Variants in SLC39A13 observed in about 807,000 individuals in gnomAD.
SLC39A13 encodes zinc transporter ZIP13.
A neutral mutation model predicts 38.7 loss-of-function variants in SLC39A13; 18 were observed. That is an observed-to-expected ratio of 0.47 (90% CI 0.32 to 0.69). SLC39A13 has a LOEUF of 0.69. SLC39A13 is among the 30% of genes least tolerant of loss of function. The pLI is 0.03. For missense variants in SLC39A13, 395 were observed against 490.7 expected (o/e 0.80, Z 1.84); for synonymous variants, 212 against 219.1 (o/e 0.97, Z 0.29).
intron 1 of SLC39A13, 181 bp from the exon 2 acceptor site, chr11:47,409,901 AGTAGG>A: frequency 1.6e-6 from 1 of 645,136 alleles, no homozygotes; most frequent in South Asian, 1.8e-5. Flanking sequence ...AGTGCTCAGG[AGTAGG>A]GTGTGGAGAC....
At chr11:47,408,539 C>T (rs1177750716), upstream of SLC39A13, 2 of 146,924 alleles carry the variant, frequency 1.4e-5, no homozygotes, top group Non-Finnish European at 3.0e-5. Flanking sequence ...TGGCCGCGCG[C>T]CGGGGGCGGC....
Position 47,413,476 on chromosome 11 carries a change from C to G in SLC39A13, c.614C>G (p.Pro205Arg). The change falls in exon 5 of 10, where the codon CCC becomes CGC. Residue 205 changes from proline (P) to arginine (R), a missense_variant. Coordinates refer to ENST00000362021, the MANE Select transcript of SLC39A13 (RefSeq NM_001128225.3). Reference sequence around the variant, plus strand: ...TGTCTGGCCCAGCCGGCTGCAGAGCCCGGCCTCGGTGCCGTGGTCCGGAGC... The same window carrying G: ...TGTCTGGCCCAGCCGGCTGCAGAGCGCGGCCTCGGTGCCGTGGTCCGGAGC... ...GHCLAQPAAE[P>R]GLGAVVRSIK... 1 of 1,614,054 alleles carries G rather than the reference C, an allele frequency of 6.2e-7. No individual in the cohort carries two copies. Among genetic ancestry groups the G allele is most frequent in the Non-Finnish European group, 8.5e-7 (1 of 1,179,990 alleles).
In SLC39A13 at chr11:47,414,492, C is replaced by T; in HGVS notation, c.786+17C>T. The T allele has an allele frequency of 6.2e-7, 1 of 1,611,304 alleles. No homozygotes were observed. Among genetic ancestry groups the T allele is most frequent in the Non-Finnish European group, 8.5e-7 (1 of 1,178,990 alleles). On this transcript the variant is annotated intron_variant, in intron 7 of 9. Coordinates refer to ENST00000362021, the MANE Select transcript of SLC39A13 (RefSeq NM_001128225.3). Reference sequence around the variant, plus strand: ...CCCCATGAGGTGAGCGCTTGTAGGGCAGCCCCCAGGGGCCCAGGCCCCCAC... The same window carrying T: ...CCCCATGAGGTGAGCGCTTGTAGGGTAGCCCCCAGGGGCCCAGGCCCCCAC...
chr11:47,414,042 C>T (rs1332176804), intron 6 of SLC39A13: 1 of 624,122 alleles, frequency 1.6e-6, no homozygotes, highest in East Asian at 2.7e-5. Context: ...ACTGTTCCCC[C>T]TGCCTGGAAT....
Position 47,412,387 on chromosome 11 carries a change from CTGTGGGTCATTGCTGG to C in SLC39A13, c.458_473del (p.Leu153ProfsTer3). The C allele has an allele frequency of 6.2e-7, 1 of 1,614,204 alleles. No individual in the cohort carries two copies. Among genetic ancestry groups the C allele is most frequent in the Non-Finnish European group, 8.5e-7 (1 of 1,180,014 alleles). ...CCTGCAGCAGCAGCAACAGCTGGGG[CTGTGGGTCATTGCTGG>C]CATCCTGACCTTCCTGGCGTTGGAG... On this transcript the variant is annotated frameshift_variant, in exon 4 of 10. Coordinates refer to ENST00000362021, the MANE Select transcript of SLC39A13 (RefSeq NM_001128225.3). LOFTEE classifies it high-confidence loss of function.
chr11:47,410,731 AGAGCTCTAGG>A (rs1202902321), intron 2 of SLC39A13, among the ~76,000 whole-genome samples: 3 of 152,190 alleles, frequency 2.0e-5, no homozygotes, highest in African/African-American at 7.2e-5. Context: ...AACACGCAGG[AGAGCTCTAGG>A]GAGCTGCTAA....
At chr11:47,408,127 T>TG (rs1043928153), upstream of SLC39A13, among the ~76,000 whole-genome samples, 13 of 152,332 alleles carry the variant, frequency 8.5e-5, no homozygotes, top group African/African-American at 2.6e-4. Context: ...CCCTTGCTCA[T>TG]GGAGGAGCCA....
At position 47,415,178 on chromosome 11, in the gene SLC39A13, G is replaced by A; in HGVS notation, c.1040+19G>A. The A allele has an allele frequency of 6.2e-7, 1 of 1,611,476 alleles. No individual in the cohort carries two copies. On this transcript the variant is annotated intron_variant, in intron 9 of 9. Transcript: ENST00000362021. Reference sequence around the variant, plus strand: ...ACCCGTGGTGAGTGACCTGTTGGAGGAAGAGGACTGCCACTCACAGGGCCC... The same window carrying A: ...ACCCGTGGTGAGTGACCTGTTGGAGAAAGAGGACTGCCACTCACAGGGCCC...
chr11:47,415,554 C>T lies in SLC39A13; in HGVS notation c.*191C>T. 1 of 692,256 alleles carries T rather than the reference C, an allele frequency of 1.4e-6. No individual in the cohort carries two copies. The highest frequency in any genetic ancestry group is 1.6e-5 in the South Asian group (1 of 60,650). The allele number at this position is 692,256 out of a possible 1,614,324, so 42.9% of individuals were successfully genotyped here. On this transcript the variant is annotated 3_prime_UTR_variant, in exon 10 of 10. Transcript: ENST00000362021. ...GCCAGAGGTGTGTGCGCGAGACCGA[C>T]ACTGTGATCCCTGTGCTGGGTCCGG... is the stretch of plus-strand genomic sequence containing the variant.
At chr11:47,409,879 G>GA in intron 1 of SLC39A13, 1 of 598,806 alleles carries the variant, frequency 1.7e-6, no homozygotes, top group Non-Finnish European at 3.0e-6. Context: ...TGCTCAGAAG[G>GA]AAAAAATACG....
Position 47,415,753 on chromosome 11 carries a change from C to T in SLC39A13, c.*390C>T. The T allele has an allele frequency of 5.7e-6, 2 of 350,824 alleles. No homozygotes were observed. Among genetic ancestry groups the T allele is most frequent in the South Asian group, 5.0e-5 (2 of 40,250 alleles). 21.7% of individuals were successfully genotyped at this position (350,824 alleles called of 1,614,324 possible). On this transcript the variant is annotated 3_prime_UTR_variant, in exon 10 of 10. Transcript: ENST00000362021. ...GCCCAAGGATCCAGGGTGCAGGGAA[C>T]TCCAGAGCTGCCCACCTCCCACTGC... is the stretch of plus-strand genomic sequence containing the variant.
chr11:47,415,556 CTG>C lies in SLC39A13; in HGVS notation c.*196_*197del, dbSNP rs2096023592. ...CAGAGGTGTGTGCGCGAGACCGACA[CTG>C]TGATCCCTGTGCTGGGTCCGGGGCC... On this transcript the variant is annotated 3_prime_UTR_variant, in exon 10 of 10. Coordinates refer to ENST00000362021, the MANE Select transcript of SLC39A13 (RefSeq NM_001128225.3). The C allele has an allele frequency of 2.3e-5, 16 of 684,832 alleles. 2 individuals carry two copies. Among genetic ancestry groups the C allele is most frequent in the South Asian group, 2.2e-4 (13 of 59,920 alleles). 42.4% of individuals were successfully genotyped at this position (684,832 alleles called of 1,614,324 possible). A position where few individuals can be genotyped will look rare whatever the true frequency, so the allele number is the denominator to read the frequency against.
chr11:47,412,519 T>A, intron 4 of SLC39A13, 52 bp downstream of exon 4: 1 of 1,611,768 alleles, frequency 6.2e-7, no homozygotes, highest in Non-Finnish European at 8.5e-7. Flanking sequence ...TCTGTGGTAG[T>A]GCCCGGGGCC....
In SLC39A13 at chr11:47,413,458, C is replaced by T; in HGVS notation, c.596C>T (p.Ala199Val). 1 of 1,614,100 alleles carries T rather than the reference C, an allele frequency of 6.2e-7. No individual in the cohort carries two copies. Among genetic ancestry groups the T allele is most frequent in the Non-Finnish European group, 8.5e-7 (1 of 1,179,980 alleles). The change falls in exon 5 of 10, where the codon GCC becomes GTC. Residue 199 changes from alanine to valine, a missense_variant. Physicochemically the swap from Ala to Val is moderately conservative, Grantham distance 64. Coordinates refer to ENST00000362021, the MANE Select transcript of SLC39A13 (RefSeq NM_001128225.3). ...GCGCTCAATGGAGGCCACTGTCTGGCCCAGCCGGCTGCAGAGCCCGGCCTC... is the reference window on the plus strand; with the variant it reads ...GCGCTCAATGGAGGCCACTGTCTGGTCCAGCCGGCTGCAGAGCCCGGCCTC... ...AAALNGGHCL[A>V]QPAAEPGLGA...
At position 47,415,057 on chromosome 11, in the gene SLC39A13, C is replaced by T; in HGVS notation, c.938C>T (p.Ala313Val). 1 of 1,613,496 alleles carries T rather than the reference C, an allele frequency of 6.2e-7. No homozygotes were observed. Among genetic ancestry groups the T allele is most frequent in the Non-Finnish European group, 8.5e-7 (1 of 1,179,728 alleles). The change falls in exon 9 of 10, where the codon GCA (alanine) becomes GTA (valine). Residue 313 changes from alanine to valine, a missense_variant. By Grantham distance (64) the Ala-to-Val change is moderately conservative. Coordinates refer to ENST00000362021, the MANE Select transcript of SLC39A13 (RefSeq NM_001128225.3). The part of the protein sequence containing the change: ...PKGVVGCSPA[A>V]EETAAWVLPF... The stretch of plus-strand genomic sequence containing the variant: ...TACCCAGTTGGGTGTTCTCCCGCTG[C>T]AGAGGAGACGGCAGCCTGGGTCCTG...
In SLC39A13 at chr11:47,415,483, C is replaced by A; in HGVS notation, c.*120C>A. 1 of 1,128,890 alleles carries A rather than the reference C, an allele frequency of 8.9e-7. No homozygotes were observed. Among genetic ancestry groups the A allele is most frequent in the Non-Finnish European group, 1.3e-6 (1 of 756,694 alleles). 69.9% of individuals were successfully genotyped at this position (1,128,890 alleles called of 1,614,324 possible). ...CTGCGAGAGAGAATGAGCCTCCCGC[C>A]AGACAGGAGGGAGGTGCGTGTGGAT... is the stretch of plus-strand genomic sequence containing the variant. On this transcript the variant is annotated 3_prime_UTR_variant, in exon 10 of 10. Transcript: ENST00000362021.
Position 47,413,651 on chromosome 11 carries a change from C to T in SLC39A13, c.700C>T (p.Leu234=). Residue 234 remains leucine, a synonymous_variant, in exon 6 of 10, where the codon CTG becomes TTG. Transcript: ENST00000362021. ...ANTIDNFTHG[L]AVAASFLVSK... ...CACCATCGATAACTTCACCCACGGG[C>T]TGGCTGTGGCTGCCAGCTTCCTTGT... 1 of 1,614,238 alleles carries T rather than the reference C, an allele frequency of 6.2e-7. No individual in the cohort carries two copies. Among genetic ancestry groups the T allele is most frequent in the Non-Finnish European group, 8.5e-7 (1 of 1,180,042 alleles).
At chr11:47,409,936 C>T (rs943910216) in intron 1 of SLC39A13, 151 bp from the exon 2 acceptor site, 4 of 842,680 alleles carry the variant, frequency 4.7e-6, no homozygotes, top group Admixed American at 2.2e-5. Flanking sequence ...CATTGCTGTG[C>T]ACCCAGCATT....
chr11:47,411,500 G>A (rs543747979), intron 2 of SLC39A13, among the ~76,000 whole-genome samples: 6 of 152,310 alleles, frequency 3.9e-5, no homozygotes, highest in African/African-American at 1.4e-4. Context: ...AGCTACTCAG[G>A]AGGCTGAGGC....
Sources: allele counts gnomAD v4.1 joint callset (sites outside exome capture counted in the v4.1 genomes callset), GRCh38; gene constraint gnomAD v4.1.1; transcripts MANE v1.5; gene names NCBI Gene and HGNC (gene_info 2026-07-23, HGNC 2026-07-21).